GOLGA5: variants seen among roughly 807,000 people sequenced by gnomAD.
The protein encoded by GOLGA5 is golgin A5.
GOLGA5 carries 50 observed loss-of-function variants against 93.5 expected under a neutral mutation model. The observed-to-expected ratio is 0.53, with a 90% confidence interval of 0.43 to 0.68. The LOEUF (loss-of-function observed/expected upper bound fraction) is 0.68. Ranked by LOEUF, GOLGA5 falls within the 30% of genes least tolerant of loss-of-function variation. The pLI is 0.00. For synonymous variants in GOLGA5, 312 were observed against 304.5 expected, an observed-to-expected ratio of 1.02 and a Z score of -0.26; for missense variants, 760 against 856.4, an observed-to-expected ratio of 0.89 and a Z score of 1.40.
At chr14:92,834,195 T>A (rs111819414) in intron 10 of GOLGA5, among the ~76,000 whole-genome samples, 17 of 147,970 alleles carry the variant, frequency 1.1e-4, no homozygotes, top group African/African-American at 2.7e-4. Flanking sequence ...TTTTTTTTTT[T>A]ATTTTATTTT....
chr14:92,794,322 C>T lies in GOLGA5; in HGVS notation c.-165C>T, dbSNP rs1297575982. ...GGGTCCTCGCTTCCCTTCCACGTCT[C>T]CCGGAAGCGGTAGCAGGGCCCCGGC... is the stretch of plus-strand genomic sequence containing the variant. On this transcript the variant is annotated 5_prime_UTR_variant, in exon 1 of 13. Coordinates refer to ENST00000163416, the MANE Select transcript of GOLGA5 (RefSeq NM_005113.4). 6.6e-6 allele frequency: 1 copy of T among 152,382 alleles called. No individual in the cohort carries two copies. The highest frequency in any genetic ancestry group is 1.5e-5 in the Non-Finnish European group (1 of 68,146). The allele number at this position is 152,382 out of a possible 1,614,324, so 9.4% of individuals were successfully genotyped here.
At position 92,816,326 on chromosome 14, in the gene GOLGA5, A is replaced by G. The variant is rs745432334; in HGVS notation, c.1396A>G (p.Met466Val). 6 of 1,613,932 alleles carry G rather than the reference A, an allele frequency of 3.7e-6. No individual in the cohort carries two copies. The highest frequency in any genetic ancestry group is 2.2e-5 in the East Asian group (1 of 44,882). Residue 466 changes from methionine to valine, a missense_variant, in exon 7 of 13, where the codon ATG (methionine) becomes GTG (valine). Transcript: ENST00000163416. ...EGLDSSTASS[M>V]ELEELRHEKE... is the part of the protein sequence containing the mutation. Reference sequence around the variant, plus strand: ...CCTAGATAGCAGCACTGCCAGTAGCATGGAGCTGGAAGAACTTCGGCATGA... The same window carrying G: ...CCTAGATAGCAGCACTGCCAGTAGCGTGGAGCTGGAAGAACTTCGGCATGA...
intron 2 of GOLGA5, among the ~76,000 whole-genome samples, chr14:92,802,659 A>G (rs761009486): frequency 2.0e-4 from 30 of 151,580 alleles, no homozygotes; most frequent in Non-Finnish European, 3.5e-4. Flanking sequence ...AATTTTAGCA[A>G]TGTTTTTTCC....
rs1335745910 is a variant in GOLGA5 at position 92,797,553 on chromosome 14, A to C, written c.116A>C (p.Asn39Thr). ...AATGCCAGCAACATATATAGCAAAA[A>C]TACTGACTATACTGAACTTCACCAG... Reference protein sequence around the residue: ...KDNASNIYSKNTDYTELHQQN... With the variant: ...KDNASNIYSKTTDYTELHQQN... The change falls in exon 2 of 13, where the codon AAT becomes ACT. Residue 39 changes from asparagine to threonine, a missense_variant. By Grantham distance (65) the Asn-to-Thr change is moderately conservative. Coordinates refer to ENST00000163416, the MANE Select transcript of GOLGA5 (RefSeq NM_005113.4). 1 of 1,613,426 alleles carries C rather than the reference A, an allele frequency of 6.2e-7. No homozygotes were observed. The highest frequency in any genetic ancestry group is 1.7e-5 in the Admixed American group (1 of 60,030).
chr14:92,819,069 C>T (rs1370858220), intron 7 of GOLGA5, among the ~76,000 whole-genome samples: 1 of 152,166 alleles, frequency 6.6e-6, no homozygotes, highest in African/African-American at 2.4e-5. Flanking sequence ...TTATAACCTG[C>T]AATTTCAGGG....
chr14:92,808,105 G>A (rs186209966), intron 3 of GOLGA5, among the ~76,000 whole-genome samples: 10 of 152,212 alleles, frequency 6.6e-5, no homozygotes, highest in African/African-American at 2.2e-4. Context: ...ATGGTGGCGC[G>A]TGCCTGTTAT....
At chr14:92,811,495 A>T in intron 5 of GOLGA5, 56 bp from the exon 6 acceptor site, 1 of 1,182,390 alleles carries the variant, frequency 8.5e-7, no homozygotes, top group Non-Finnish European at 1.3e-6. Flanking sequence ...GATGGTTGTA[A>T]AATATGTTTC....
intron 8 of GOLGA5, among the ~76,000 whole-genome samples, chr14:92,823,485 C>T (rs2140328999): frequency 6.6e-6 from 1 of 151,476 alleles, no homozygotes; most frequent in Non-Finnish European, 1.5e-5. Context: ...GCGGTCACAG[C>T]TCACTGCAGC....
At chr14:92,795,900 A>G (rs1184104809) in intron 1 of GOLGA5, among the ~76,000 whole-genome samples, 1 of 152,236 alleles carries the variant, frequency 6.6e-6, no homozygotes, top group African/African-American at 2.4e-5. Context: ...GGCAAAAGGA[A>G]CAACGTGCAC....
intron 8 of GOLGA5, among the ~76,000 whole-genome samples, chr14:92,820,815 A>G (rs983745816): frequency 3.9e-5 from 6 of 152,226 alleles, no homozygotes; most frequent in Non-Finnish European, 8.8e-5. Context: ...CCTTGATTCC[A>G]TACAACACAT....
intron 2 of GOLGA5, among the ~76,000 whole-genome samples, chr14:92,799,670 G>T (rs7158533): frequency 0.74 from 111,571 of 151,362 alleles, 41,540 homozygotes; most frequent in East Asian, 0.85. Context: ...GCAGTGACGC[G>T]ATCTTAGCTC....
At chr14:92,802,689 T>C (rs773163292) in intron 2 of GOLGA5, among the ~76,000 whole-genome samples, 2 of 151,502 alleles carry the variant, frequency 1.3e-5, no homozygotes, top group South Asian at 2.1e-4. Context: ...GGAGATAATA[T>C]AGTTTTTCTT....
chr14:92,801,118 A>G (rs1393793740), intron 2 of GOLGA5, among the ~76,000 whole-genome samples: 1 of 152,220 alleles, frequency 6.6e-6, no homozygotes, highest in Non-Finnish European at 1.5e-5. Context: ...TGTCCCTTGC[A>G]GGGCAAAATC....
intron 2 of GOLGA5, among the ~76,000 whole-genome samples, chr14:92,801,620 T>C (rs1884872466): frequency 6.6e-6 from 1 of 152,184 alleles, no homozygotes; most frequent in African/African-American, 2.4e-5. Context: ...TTAATGTAGA[T>C]GGCATGTGGC....
rs912170452 is a variant in GOLGA5, at chr14:92,839,124, C to T, written c.2116-242C>T. On this transcript the variant is annotated intron_variant, in intron 12 of 12. Transcript: ENST00000163416. ...TAATCAACTGATTATTTTGCATACA[C>T]GTGCATATTGTGAATGTGTTGAAGT... Among the ~76,000 whole-genome samples the T allele has an allele frequency of 7.2e-5, 11 of 152,186 alleles. No individual in the cohort carries two copies. The East Asian group carries it at 7.7e-4, about 11-fold the overall frequency.
At position 92,835,600 on chromosome 14, in the gene GOLGA5, G is replaced by C; in HGVS notation, c.1987G>C (p.Glu663Gln). The C allele has an allele frequency of 6.2e-7, 1 of 1,613,614 alleles. No individual in the cohort carries two copies. The highest frequency in any genetic ancestry group is 8.5e-7 in the Non-Finnish European group (1 of 1,179,606). ...RNVPVLFNDT[E>Q]TNLAGMYGKV... ...TGTTCCTGTTCTTTTTAATGACACAGAAACTAATCTGGCAGGAATGTACGG... is the reference window on the plus strand; with the variant it reads ...TGTTCCTGTTCTTTTTAATGACACACAAACTAATCTGGCAGGAATGTACGG... Residue 663 changes from glutamate to glutamine, a missense_variant, in exon 11 of 13, where the codon GAA becomes CAA. Physicochemically the swap from Glu to Gln is conservative, Grantham distance 29. Coordinates refer to ENST00000163416, the MANE Select transcript of GOLGA5 (RefSeq NM_005113.4).
intron 8 of GOLGA5, among the ~76,000 whole-genome samples, chr14:92,821,141 C>G (rs1185632285): frequency 6.6e-6 from 1 of 152,162 alleles, no homozygotes; most frequent in Non-Finnish European, 1.5e-5. Flanking sequence ...GTTATATCTC[C>G]TAGTATAGAA....
At chr14:92,819,259 T>C (rs550519463) in intron 7 of GOLGA5, among the ~76,000 whole-genome samples, 2 of 152,118 alleles carry the variant, frequency 1.3e-5, no homozygotes, top group African/African-American at 2.4e-5. Context: ...TAGTAGACAA[T>C]GAAGGTGTCA....
intron 8 of GOLGA5, among the ~76,000 whole-genome samples, chr14:92,820,749 T>TG (rs1226720556): frequency 1.2e-4 from 18 of 152,188 alleles, no homozygotes; most frequent in African/African-American, 3.9e-4. Flanking sequence ...CCAAGCACAC[T>TG]GCCTGTAAAC....
Sources: allele counts gnomAD v4.1 joint callset (sites outside exome capture counted in the v4.1 genomes callset), GRCh38; gene constraint gnomAD v4.1.1; transcripts MANE v1.5; gene names NCBI Gene and HGNC (gene_info 2026-07-23, HGNC 2026-07-21).